Variants in PCDH11Y observed in about 807,000 individuals in gnomAD.
The protein encoded by PCDH11Y is protocadherin 11 Y-linked, also known as protocadherin-11 Y-linked.
For missense variants in PCDH11Y, 12 were observed against 224.8 expected (o/e 0.05, Z 6.05); for synonymous variants, 9 against 83.6 (o/e 0.11, Z 4.87).
intron 2 of PCDH11Y, among the ~76,000 whole-genome samples, chrY:5,130,808 G>A (rs1602873030): frequency 2.9e-4 from 9 of 31,401 alleles, no homozygotes; most frequent in Admixed American, 2.6e-3. Flanking sequence ...GCTTGAACCC[G>A]GGAGGCAGAG....
chrY:5,405,224 G>C, intron 2 of PCDH11Y, among the ~76,000 whole-genome samples: 1 of 8,649 alleles, frequency 1.2e-4, no homozygotes, highest in Non-Finnish European at 2.1e-4. Context: ...TGTAACTCAC[G>C]TTGGAGTGCA....
intron 1 of PCDH11Y, among the ~76,000 whole-genome samples, chrY:5,012,851 AT>A (rs1347851485): frequency 3.3e-4 from 8 of 24,008 alleles, no homozygotes; most frequent in East Asian, 1.1e-3. Context: ...CGATCAGTTC[AT>A]TTTTTTTTTT....
chrY:5,353,368 AT>A (rs2053161833), intron 2 of PCDH11Y, among the ~76,000 whole-genome samples: 31 of 32,757 alleles, frequency 9.5e-4, no homozygotes, highest in African/African-American at 3.3e-3. Context: ...AATTAAAAAA[AT>A]AAATGAACAA....
intron 2 of PCDH11Y, among the ~76,000 whole-genome samples, chrY:5,181,931 G>A (rs1602881634): frequency 2.4e-4 from 8 of 33,355 alleles, no homozygotes; most frequent in African/African-American, 4.6e-4. Context: ...CAATTCAGCC[G>A]TCTCAGCTTC....
At chrY:5,135,071 C>T in intron 2 of PCDH11Y, among the ~76,000 whole-genome samples, 1 of 33,388 alleles carries the variant, frequency 3.0e-5, no homozygotes, top group Non-Finnish European at 7.4e-5. Flanking sequence ...TTTAGGAAGT[C>T]ACATGAGATA....
At position 5,210,193 on chromosome Y, in the gene PCDH11Y, CT is replaced by C. The variant is rs2052937339; in HGVS notation, c.3129+109487del. On this transcript the variant is annotated intron_variant, in intron 2 of 4. Transcript: ENST00000400457. ...TTCAAAGAACATTGCCATATTCCAA[CT>C]GAAATGGAGATTTTGCTGAGATTTT... is the stretch of plus-strand genomic sequence containing the variant. 2.1e-3 allele frequency among the ~76,000 whole-genome samples: 73 copies of C among 34,411 alleles called. No homozygotes were observed. The Middle Eastern group carries it at 0.041, about 19-fold the overall frequency. 92.3% of individuals were successfully genotyped at this position (34,411 alleles called of 37,273 possible). A position where few individuals can be genotyped will look rare whatever the true frequency, so the allele number is the denominator to read the frequency against.
intron 3 of PCDH11Y, among the ~76,000 whole-genome samples, chrY:5,557,418 G>T (rs2053423962): frequency 3.1e-5 from 1 of 32,762 alleles, no homozygotes; most frequent in Non-Finnish European, 7.5e-5. Flanking sequence ...TTATGTTTTT[G>T]GTGGTTATTG....
chrY:5,620,550 C>A (rs2053498350), intron 4 of PCDH11Y, among the ~76,000 whole-genome samples: 2 of 33,009 alleles, frequency 6.1e-5, no homozygotes, highest in African/African-American at 2.4e-4. Context: ...CTAACTAATT[C>A]TCTGAGGCTA....
At chrY:5,024,356 A>G (rs2052575580) in intron 1 of PCDH11Y, among the ~76,000 whole-genome samples, 1 of 33,049 alleles carries the variant, frequency 3.0e-5, no homozygotes, top group Non-Finnish European at 7.5e-5. Context: ...TTTATGAATA[A>G]TGCATACTTC....
chrY:5,497,465 T>A, intron 2 of PCDH11Y, among the ~76,000 whole-genome samples: 1 of 33,694 alleles, frequency 3.0e-5, no homozygotes, highest in South Asian at 6.6e-4. Context: ...TCTCTTCATA[T>A]CCTTTGCCCA....
Position 5,552,904 on chromosome Y carries a change from G to T in PCDH11Y, c.3329-28871G>T, listed in dbSNP as rs1168292550. 4.9e-4 allele frequency among the ~76,000 whole-genome samples: 14 copies of T among 28,750 alleles called. No homozygotes were observed. The East Asian group carries it at 0.013, about 27-fold the overall frequency. 77.1% of individuals were successfully genotyped at this position (28,750 alleles called of 37,273 possible). On this transcript the variant is annotated intron_variant, in intron 3 of 4. Coordinates refer to the PCDH11Y transcript ENST00000400457. Reference sequence around the variant, plus strand: ...CTTCCTTCCTACTATCCTTTCTTCTGCTTGCATCTACTTATGCATTGGAGA... The same window carrying T: ...CTTCCTTCCTACTATCCTTTCTTCTTCTTGCATCTACTTATGCATTGGAGA...
At chrY:5,341,141 C>A (rs2053144335) in intron 2 of PCDH11Y, among the ~76,000 whole-genome samples, 2 of 34,013 alleles carry the variant, frequency 5.9e-5, no homozygotes, top group Non-Finnish European at 1.5e-4. Flanking sequence ...GGTTCTCCCT[C>A]TGTTGCCCAG....
At chrY:5,486,712 TATATATATATATATACAC>T (rs2053332866) in intron 2 of PCDH11Y, among the ~76,000 whole-genome samples, 1 of 9,450 alleles carries the variant, frequency 1.1e-4, no homozygotes. Flanking sequence ...TATACACATA[TATATATATATATATACAC>T]ATATATATAT....
At chrY:5,506,407 C>T (rs1250501371) in intron 3 of PCDH11Y, among the ~76,000 whole-genome samples, 57 of 31,964 alleles carry the variant, frequency 1.8e-3, no homozygotes, top group African/African-American at 3.6e-3. Flanking sequence ...GCATTTTTGA[C>T]GAAAGTCACA....
At chrY:5,410,215 C>CA (rs2053245345) in intron 2 of PCDH11Y, among the ~76,000 whole-genome samples, 1 of 31,959 alleles carries the variant, frequency 3.1e-5, no homozygotes, top group African/African-American at 1.2e-4. Flanking sequence ...TAAAAAAACA[C>CA]AAAAAATTAG....
At chrY:5,387,414 G>A in intron 2 of PCDH11Y, among the ~76,000 whole-genome samples, 10 of 33,003 alleles carry the variant, frequency 3.0e-4, no homozygotes. Flanking sequence ...CCTGAGAGTG[G>A]AACTCTAATA....
chrY:5,741,562 T>A (rs2053617640), exon 5 of PCDH11Y: 1 of 32,748 alleles, frequency 3.1e-5, no homozygotes, highest in Non-Finnish European at 7.5e-5. Context: ...GAAACCAAAT[T>A]TATAGTTAGT....
At chrY:5,625,300 T>G in intron 4 of PCDH11Y, among the ~76,000 whole-genome samples, 1 of 31,888 alleles carries the variant, frequency 3.1e-5, no homozygotes, top group East Asian at 8.0e-4. Flanking sequence ...ATAAATAGTT[T>G]GAATTAATGT....
intron 2 of PCDH11Y, among the ~76,000 whole-genome samples, chrY:5,305,491 T>C (rs2053088961): frequency 1.1e-3 from 38 of 33,249 alleles, no homozygotes; most frequent in African/African-American, 4.4e-3. Context: ...TTTTTCTCAG[T>C]CTCAGTTTCC....
Sources: gnomAD v4.1 joint callset for allele counts (sites outside exome capture counted in the v4.1 genomes callset) on GRCh38, gnomAD v4.1.1 for gene constraint, MANE v1.5 for transcripts, NCBI Gene and HGNC (gene_info 2026-07-23, HGNC 2026-07-21) for gene names.